SORBS2: variants seen among roughly 807,000 people sequenced by gnomAD.
The protein encoded by SORBS2 is sorbin and SH3 domain-containing protein 2.
SORBS2 carries 46 observed loss-of-function variants against 97.7 expected under a neutral mutation model. The ratio of observed to expected loss-of-function variants is 0.47; its 90% CI spans 0.37 to 0.60. The LOEUF is 0.60. Ranked by LOEUF, SORBS2 falls within the 20% of genes least tolerant of loss-of-function variation. The probability of loss-of-function intolerance (pLI) is 0.00; values close to 1 mark genes in which losing one functional copy is unlikely to be tolerated. For missense variants in SORBS2, 1,316 were observed against 1,282.3 expected, an observed-to-expected ratio of 1.03 and a Z score of -0.40; for synonymous variants, 476 against 473.4, an observed-to-expected ratio of 1.01 and a Z score of -0.07.
At chr4:185,626,175 A>G (rs759853027) in intron 6 of SORBS2, among the ~76,000 whole-genome samples, 1 of 152,174 alleles carries the variant, frequency 6.6e-6, no homozygotes, top group Non-Finnish European at 1.5e-5. Flanking sequence ...CAGAGAGGAG[A>G]CGGGCCATCC....
intron 2 of SORBS2, among the ~76,000 whole-genome samples, chr4:185,725,485 ATCTC>A (rs2098548869): frequency 6.6e-6 from 1 of 152,160 alleles, no homozygotes; most frequent in Non-Finnish European, 1.5e-5. Context: ...GACATAGCTA[ATCTC>A]TCTGAGTTTC....
chr4:185,721,135 C>T (rs192444038), intron 2 of SORBS2, among the ~76,000 whole-genome samples: 2 of 137,188 alleles, frequency 1.5e-5, no homozygotes, highest in Non-Finnish European at 3.0e-5. Flanking sequence ...GTCGCCCTGG[C>T]TGTGATCTGG....
intron 12 of SORBS2, among the ~76,000 whole-genome samples, chr4:185,610,461 C>A (rs547220951): frequency 6.6e-6 from 1 of 152,086 alleles, no homozygotes; most frequent in African/African-American, 2.4e-5. Flanking sequence ...TTGGATAGTA[C>A]CAAACTCTTC....
At chr4:185,876,872 T>C (rs2099233982) in intron 1 of SORBS2, among the ~76,000 whole-genome samples, 1 of 152,256 alleles carries the variant, frequency 6.6e-6, no homozygotes. Flanking sequence ...TTGTGAAGTA[T>C]ATGATAAAAC....
intron 1 of SORBS2, among the ~76,000 whole-genome samples, chr4:185,951,760 C>A (rs2168164): frequency 0.15 from 23,547 of 152,214 alleles, 2,259 homozygotes; most frequent in Middle Eastern, 0.24. Context: ...ATTTGGCCAC[C>A]TTTCCCATCG....
intron 1 of SORBS2, among the ~76,000 whole-genome samples, chr4:185,946,818 T>C (rs1299294617): frequency 6.6e-6 from 1 of 152,250 alleles, no homozygotes; most frequent in East Asian, 1.9e-4. Context: ...GCTTTTTATT[T>C]CATTGAACAG....
At chr4:185,666,805 A>G (rs1319332494) in intron 4 of SORBS2, among the ~76,000 whole-genome samples, 1 of 152,264 alleles carries the variant, frequency 6.6e-6, no homozygotes, top group African/African-American at 2.4e-5. Flanking sequence ...CAATGCAAAT[A>G]GAGGTACCAT....
chr4:185,843,078 A>G (rs2153678119), intron 1 of SORBS2, among the ~76,000 whole-genome samples: 1 of 152,296 alleles, frequency 6.6e-6, no homozygotes, highest in South Asian at 2.1e-4. Context: ...CACCATGAGT[A>G]TATGCAATAA....
intron 1 of SORBS2, among the ~76,000 whole-genome samples, chr4:185,866,143 C>A (rs1051201264): frequency 2.0e-5 from 3 of 152,188 alleles, no homozygotes; most frequent in African/African-American, 7.2e-5. Context: ...AGATTCCTGT[C>A]ACCAGCCAGT....
At chr4:185,913,094 G>A (rs578124978) in intron 1 of SORBS2, among the ~76,000 whole-genome samples, 2 of 152,072 alleles carry the variant, frequency 1.3e-5, no homozygotes, top group African/African-American at 4.8e-5. Flanking sequence ...CCATCTGAAC[G>A]GCAGTTCAAA....
At chr4:185,744,620 A>G (rs2098749093) in intron 2 of SORBS2, among the ~76,000 whole-genome samples, 1 of 152,244 alleles carries the variant, frequency 6.6e-6, no homozygotes. Flanking sequence ...AGCCTGCCAC[A>G]TCGGATTAAT....
chr4:185,840,452 A>T (rs1347793484), intron 1 of SORBS2, among the ~76,000 whole-genome samples: 1 of 152,114 alleles, frequency 6.6e-6, no homozygotes, highest in Admixed American at 6.5e-5. Context: ...TGCATAGCTG[A>T]TCCATGACCC....
At chr4:185,955,144 G>C (rs1024267742) in intron 1 of SORBS2, among the ~76,000 whole-genome samples, 1 of 151,822 alleles carries the variant, frequency 6.6e-6, no homozygotes, top group Non-Finnish European at 1.5e-5. Context: ...CATTTCAATG[G>C]GCCATGTTTC....
At chr4:185,805,511 CAA>C (rs980984080) in intron 1 of SORBS2, among the ~76,000 whole-genome samples, 2 of 152,158 alleles carry the variant, frequency 1.3e-5, no homozygotes, top group African/African-American at 4.8e-5. Flanking sequence ...TAAAGCGAGT[CAA>C]GTTTTCCCTG....
intron 2 of SORBS2, among the ~76,000 whole-genome samples, chr4:185,683,227 G>T (rs201080857): frequency 7.8e-5 from 9 of 115,466 alleles, no homozygotes; most frequent in East Asian, 2.5e-4. Flanking sequence ...AGTGTGAAAT[G>T]TTTTTTTTTT....
chr4:185,783,612 A>G (rs967886239), intron 1 of SORBS2, among the ~76,000 whole-genome samples: 1 of 152,064 alleles, frequency 6.6e-6, no homozygotes, highest in Non-Finnish European at 1.5e-5. Context: ...ACCATGTTGT[A>G]GTTTAAAAAA....
intron 1 of SORBS2, among the ~76,000 whole-genome samples, chr4:185,904,178 G>A (rs1200738253): frequency 3.3e-5 from 5 of 152,166 alleles, no homozygotes; most frequent in African/African-American, 1.2e-4. Flanking sequence ...TTAATTAACT[G>A]TGAACATGGT....
intron 1 of SORBS2, among the ~76,000 whole-genome samples, chr4:185,889,312 C>T (rs115899341): frequency 0.016 from 2,431 of 152,168 alleles, 56 homozygotes; most frequent in Admixed American, 0.051. Context: ...AAAGAAAATG[C>T]AATTGCTCCC....
intron 1 of SORBS2, among the ~76,000 whole-genome samples, chr4:185,903,021 T>C (rs1467206402): frequency 6.6e-6 from 1 of 152,202 alleles, no homozygotes; most frequent in East Asian, 1.9e-4. Context: ...CTAAAAGCAC[T>C]GATTCCATGG....
Sources: allele counts gnomAD v4.1 joint callset (sites outside exome capture counted in the v4.1 genomes callset), GRCh38; gene constraint gnomAD v4.1.1; transcripts MANE v1.5; gene names NCBI Gene and HGNC (gene_info 2026-07-23, HGNC 2026-07-21).